The following ZNF30 variants were observed in gnomAD, a reference collection of about 807,000 sequenced individuals.
ZNF30 encodes the protein zinc finger protein 30 (KOX 28).
Under a neutral mutation model 13.2 loss-of-function variants are expected in ZNF30, and 15 were observed. The ratio of observed to expected loss-of-function variants is 1.13; its 90% CI spans 0.76 to 1.75. ZNF30 has a LOEUF of 1.75. Among genes scored for constraint, ZNF30 ranks in the 40% most tolerant of loss-of-function variants. ZNF30 has a pLI of 0.00. For synonymous variants in ZNF30, 223 were observed against 256.6 expected, an observed-to-expected ratio of 0.87 and a Z score of 1.25; for missense variants, 726 against 757.0, an observed-to-expected ratio of 0.96 and a Z score of 0.48.
rs59553578 is a variant in ZNF30 at position 34,940,667 on chromosome 19, CAAAAAAAAA to C, written c.257-2539_257-2531del. 5.8e-3 allele frequency among the ~76,000 whole-genome samples: 370 copies of C among 63,932 alleles called. 1 individual carries two copies. Among genetic ancestry groups the C allele is most frequent in the Non-Finnish European group, 9.6e-3 (288 of 30,066 alleles). The allele number at this position is 63,932 out of a possible 152,430, so 41.9% of individuals were successfully genotyped here. ...TGGGCAACAGAGTGAGACTCCGTCT[CAAAAAAAAA>C]AAAAAAAAAAAAAAAATAGAATATC... On this transcript the variant is annotated intron_variant, in intron 4 of 4. Transcript: ENST00000601142.
At chr19:34,940,199 C>T (rs2012964432) in intron 4 of ZNF30, among the ~76,000 whole-genome samples, 2 of 152,152 alleles carry the variant, frequency 1.3e-5, no homozygotes, top group Admixed American at 1.3e-4. Flanking sequence ...TTTTCTTTAA[C>T]ACAGAGATAG....
intron 1 of ZNF30, 81 bp downstream of exon 1, chr19:34,927,297 G>T (rs1316544861): frequency 1.2e-5 from 4 of 337,690 alleles, no homozygotes; most frequent in Middle Eastern, 7.6e-4. Flanking sequence ...GTCGGCCGGG[G>T]CCGGTGTGCA....
At chr19:34,943,004 C>T (rs1272851918) in intron 4 of ZNF30, among the ~76,000 whole-genome samples, 1 of 152,052 alleles carries the variant, frequency 6.6e-6, no homozygotes, top group Non-Finnish European at 1.5e-5. Context: ...TTATTATCCA[C>T]ACCTAAATGA....
At chr19:34,924,340 T>C (rs1318648771), upstream of ZNF30, among the ~76,000 whole-genome samples, 1 of 152,218 alleles carries the variant, frequency 6.6e-6, no homozygotes, top group Non-Finnish European at 1.5e-5. Flanking sequence ...TACTAATCTA[T>C]TTTATTTCTA....
At chr19:34,940,589 A>T (rs2012991598) in intron 4 of ZNF30, among the ~76,000 whole-genome samples, 1 of 148,656 alleles carries the variant, frequency 6.7e-6, no homozygotes, top group South Asian at 2.1e-4. Context: ...AATCACTTGA[A>T]CCCAAGAGGC....
At chr19:34,941,106 A>G (rs931427498) in intron 4 of ZNF30, among the ~76,000 whole-genome samples, 1 of 152,192 alleles carries the variant, frequency 6.6e-6, no homozygotes, top group Admixed American at 6.5e-5. Context: ...TTTCATGGAC[A>G]TGAATTTGTG....
At chr19:34,932,712 G>A (rs529938502) in intron 3 of ZNF30, among the ~76,000 whole-genome samples, 11 of 152,078 alleles carry the variant, frequency 7.2e-5, no homozygotes, top group African/African-American at 2.2e-4. Flanking sequence ...CATAGGTGAC[G>A]GTAGCAGAAA....
In ZNF30 at chr19:34,927,065, C is replaced by A. The variant is rs917176344; in HGVS notation, c.-216C>A. The A allele has an allele frequency of 7.5e-6, 3 of 398,400 alleles. No homozygotes were observed. The highest frequency in any genetic ancestry group is 1.3e-5 in the Non-Finnish European group (3 of 225,976). The allele number at this position is 398,400 out of a possible 1,614,324, so 24.7% of individuals were successfully genotyped here. On this transcript the variant is annotated 5_prime_UTR_variant, in exon 1 of 5. Coordinates refer to ENST00000601142, the MANE Select transcript of ZNF30 (RefSeq NM_194325.3). The stretch of plus-strand genomic sequence containing the variant: ...CGCCAGTTCATTGTGGTCGTTGACC[C>A]GGCAGCGAGCTTTGGAGTTCATCGA...
intron 1 of ZNF30, among the ~76,000 whole-genome samples, chr19:34,928,248 TATATATAGATAG>T (rs1232192712): frequency 2.1e-4 from 11 of 53,038 alleles, no homozygotes; most frequent in African/African-American, 4.9e-4. Flanking sequence ...TATATATATA[TATATATAGATAG>T]ATAGATAGAT....
chr19:34,932,298 A>G (rs1013812172), intron 3 of ZNF30, among the ~76,000 whole-genome samples: 6 of 152,226 alleles, frequency 3.9e-5, no homozygotes, highest in African/African-American at 7.2e-5. Context: ...GATTTGTTCT[A>G]TCTGAAGACC....
At chr19:34,940,679 A>C (rs2013000670) in intron 4 of ZNF30, among the ~76,000 whole-genome samples, 1 of 149,986 alleles carries the variant, frequency 6.7e-6, no homozygotes, top group Non-Finnish European at 1.5e-5. Context: ...AAAAAAAAAA[A>C]AAAAAAAAAA....
At chr19:34,924,563 G>A (rs1159132422), upstream of ZNF30, among the ~76,000 whole-genome samples, 3 of 152,130 alleles carry the variant, frequency 2.0e-5, no homozygotes, top group African/African-American at 2.4e-5. Context: ...GGGACTAGAT[G>A]AGTCCTTATT....
intron 4 of ZNF30, among the ~76,000 whole-genome samples, chr19:34,935,302 A>G (rs188423537): frequency 4.7e-4 from 71 of 152,342 alleles, no homozygotes; most frequent in African/African-American, 1.6e-3. Flanking sequence ...GGAAAGTTGT[A>G]CTAAGAATTT....
rs116800514 is a variant in ZNF30, at chr19:34,944,308, A to T, written c.1342A>T (p.Arg448Trp). The change falls in exon 5 of 5, where the codon AGG becomes TGG. Residue 448 changes from arginine (R) to tryptophan (W), a missense_variant. Coordinates refer to ENST00000601142, the MANE Select transcript of ZNF30 (RefSeq NM_194325.3). ...ISRHQLTVHQRVHTGEKPYEC... is the reference protein window; with the variant it reads ...ISRHQLTVHQWVHTGEKPYEC... ...TCGCCATCAGCTTACCGTACATCAA[A>T]GGGTTCATACTGGAGAGAAACCCTA... is the stretch of plus-strand genomic sequence containing the variant. 674 of 1,614,080 alleles carry T rather than the reference A, an allele frequency of 4.2e-4. 7 individuals are homozygous for T. The African/African-American group carries it at 7.9e-3, about 19-fold the overall frequency.
intron 1 of ZNF30, among the ~76,000 whole-genome samples, chr19:34,928,710 GTAA>G (rs915935546): frequency 2.9e-4 from 44 of 151,988 alleles, no homozygotes; most frequent in African/African-American, 1.1e-3. Context: ...GTGGGCACCT[GTAA>G]TCCCAGCTAC....
intron 1 of ZNF30, among the ~76,000 whole-genome samples, chr19:34,928,215 A>AAG (rs1372875974): frequency 8.9e-5 from 7 of 78,650 alleles, no homozygotes; most frequent in Non-Finnish European, 1.4e-4. Flanking sequence ...CTCTAAAAAA[A>AAG]AAAAAATATA....
chr19:34,926,743 C>T, upstream of ZNF30: 1 of 393,066 alleles, frequency 2.5e-6, no homozygotes, highest in East Asian at 3.6e-5. Context: ...TGTGTTAATG[C>T]CCTGGGTTGG....
rs1568533926 is a variant in ZNF30 at position 34,928,223 on chromosome 19, ATATATATATAT to A, written c.-65+1008_-65+1018del. 2.3e-3 allele frequency among the ~76,000 whole-genome samples: 119 copies of A among 51,326 alleles called. 3 individuals carry two copies. Among genetic ancestry groups the A allele is most frequent in the African/African-American group, 0.015 (105 of 6,848 alleles). The allele number at this position is 51,326 out of a possible 152,430, so 33.7% of individuals were successfully genotyped here. On this transcript the variant is annotated intron_variant, in intron 1 of 4. Coordinates refer to ENST00000601142, the MANE Select transcript of ZNF30 (RefSeq NM_194325.3). ...ATCCCTTCTCTAAAAAAAAAAAAAT[ATATATATATAT>A]ATATATATATATATATATATAGATA...
chr19:34,925,724 G>A (rs544199013), upstream of ZNF30, among the ~76,000 whole-genome samples: 23 of 152,158 alleles, frequency 1.5e-4, no homozygotes, highest in African/African-American at 4.8e-4. Flanking sequence ...CCTAGCCAGG[G>A]ACCACACCCT....
Sources: allele counts gnomAD v4.1 joint callset (sites outside exome capture counted in the v4.1 genomes callset), GRCh38; gene constraint gnomAD v4.1.1; transcripts MANE v1.5; gene names NCBI Gene and HGNC (gene_info 2026-07-23, HGNC 2026-07-21).